MPP7: variants seen among roughly 807,000 people sequenced by gnomAD.
The protein encoded by MPP7 is MAGUK p55 subfamily member 7.
In MPP7, 60 loss-of-function variants were observed where a neutral mutation model predicts 76.5. The ratio of observed to expected loss-of-function variants is 0.78; its 90% CI spans 0.64 to 0.97. The LOEUF is 0.97. Ranked by LOEUF, MPP7 falls within the 50% of genes least tolerant of loss-of-function variation. The probability of loss-of-function intolerance (pLI) is 0.00; values close to 1 mark genes in which losing one functional copy is unlikely to be tolerated. For missense variants in MPP7, 641 were observed against 694.0 expected (o/e 0.92, Z 0.86); for synonymous variants, 237 against 244.5 (o/e 0.97, Z 0.29).
chr10:28,111,632 AT>A (rs1265166672), intron 11 of MPP7, among the ~76,000 whole-genome samples: 1 of 152,230 alleles, frequency 6.6e-6, no homozygotes, highest in Non-Finnish European at 1.5e-5. Context: ...TATCCTGTAA[AT>A]TTAACAATAA....
chr10:28,084,046 T>C (rs118098527), intron 12 of MPP7, among the ~76,000 whole-genome samples: 1,889 of 152,266 alleles, frequency 0.012, 25 homozygotes, highest in Non-Finnish European at 0.016. Context: ...GAGTTTCACA[T>C]AAAGTTAATT....
At chr10:28,115,077 T>G (rs570519523) in intron 11 of MPP7, among the ~76,000 whole-genome samples, 10 of 147,908 alleles carry the variant, frequency 6.8e-5, no homozygotes, top group African/African-American at 2.6e-4. Flanking sequence ...AGGTTTTTTG[T>G]TTGTTTGTTT....
At chr10:28,277,658 CAG>C (rs1274961144) in intron 1 of MPP7, among the ~76,000 whole-genome samples, 1 of 152,058 alleles carries the variant, frequency 6.6e-6, no homozygotes, top group Non-Finnish European at 1.5e-5. Flanking sequence ...AACCTAATAA[CAG>C]GGTACGGGGT....
intron 1 of MPP7, among the ~76,000 whole-genome samples, chr10:28,286,308 T>C (rs1840789397): frequency 6.6e-6 from 1 of 151,862 alleles, no homozygotes; most frequent in Non-Finnish European, 1.5e-5. Context: ...ATCACGCCAC[T>C]GTACTCCAGC....
intron 6 of MPP7, among the ~76,000 whole-genome samples, 199 bp from the exon 7 acceptor site, chr10:28,125,290 T>C (rs1834983154): frequency 6.6e-6 from 1 of 152,240 alleles, no homozygotes; most frequent in Non-Finnish European, 1.5e-5. Context: ...AAATTCTATC[T>C]ACATAGCATC....
intron 13 of MPP7, among the ~76,000 whole-genome samples, chr10:28,067,618 T>G (rs1054000357): frequency 6.6e-6 from 1 of 152,182 alleles, no homozygotes; most frequent in Non-Finnish European, 1.5e-5. Flanking sequence ...TATTGTCAAC[T>G]TCTATAACAA....
At chr10:28,330,705 A>G (rs1271330561) in intron 1 of MPP7, among the ~76,000 whole-genome samples, 3 of 152,086 alleles carry the variant, frequency 2.0e-5, no homozygotes, top group Non-Finnish European at 4.4e-5. Context: ...CCCAGGCTGG[A>G]GTGCTGTGGT....
At chr10:28,291,926 T>G (rs1182699522) in intron 1 of MPP7, among the ~76,000 whole-genome samples, 3 of 152,116 alleles carry the variant, frequency 2.0e-5, no homozygotes, top group African/African-American at 4.8e-5. Flanking sequence ...CAGTAGTGAG[T>G]GTACAGTCAT....
At chr10:28,179,008 G>T (rs1836968912) in intron 3 of MPP7, among the ~76,000 whole-genome samples, 1 of 152,178 alleles carries the variant, frequency 6.6e-6, no homozygotes, top group Non-Finnish European at 1.5e-5. Flanking sequence ...AAAGATGGAA[G>T]AGGAGAAGAG....
chr10:28,104,071 G>A (rs942486098), intron 11 of MPP7, among the ~76,000 whole-genome samples: 5 of 151,998 alleles, frequency 3.3e-5, no homozygotes, highest in Non-Finnish European at 5.9e-5. Context: ...AGTAATTTTG[G>A]TATGAGGAAT....
intron 3 of MPP7, among the ~76,000 whole-genome samples, chr10:28,170,342 T>C (rs185363733): frequency 2.0e-5 from 3 of 151,798 alleles, no homozygotes; most frequent in African/African-American, 7.3e-5. Flanking sequence ...TTTTTTTTAA[T>C]TTTTTTATAT....
upstream of MPP7, among the ~76,000 whole-genome samples, chr10:28,303,087 C>T (rs1208346481): frequency 6.6e-6 from 1 of 152,106 alleles, no homozygotes; most frequent in African/African-American, 2.4e-5. Flanking sequence ...CTCGGAGGGG[C>T]GGGACCGCGG....
intron 1 of MPP7, among the ~76,000 whole-genome samples, chr10:28,287,180 A>G (rs560880566): frequency 1.3e-5 from 2 of 152,372 alleles, no homozygotes; most frequent in Non-Finnish European, 1.5e-5. Flanking sequence ...TTTGTTGCCA[A>G]TGATAAAAGT....
rs200341659 is a variant in MPP7 at position 28,063,250 on chromosome 10, A to G, written c.1205-3507T>C. ...TGAGGCAGGTGGATCACTTGAGGCC[A>G]GGAGCTCGAAACCATCCTGGCCAAT... On this transcript the variant is annotated intron_variant, in intron 13 of 16. Coordinates refer to ENST00000683449, the MANE Select transcript of MPP7 (RefSeq NM_001318170.2). 1.5e-4 allele frequency among the ~76,000 whole-genome samples: 23 copies of G among 152,222 alleles called. No individual in the cohort carries two copies. The East Asian group carries it at 3.3e-3, about 22-fold the overall frequency.
chr10:28,237,240 C>T (rs1486350102), intron 2 of MPP7, among the ~76,000 whole-genome samples: 2 of 152,130 alleles, frequency 1.3e-5, no homozygotes, highest in African/African-American at 4.8e-5. Context: ...ATTTATGGTT[C>T]ACATAAATTT....
intron 2 of MPP7, among the ~76,000 whole-genome samples, chr10:28,237,622 G>A (rs1269681029): frequency 1.3e-5 from 2 of 152,176 alleles, no homozygotes; most frequent in Non-Finnish European, 2.9e-5. Context: ...CTGTTTCGGT[G>A]TTTTTGAGAT....
intron 1 of MPP7, among the ~76,000 whole-genome samples, chr10:28,249,524 G>A (rs923658659): frequency 6.6e-6 from 1 of 152,208 alleles, no homozygotes; most frequent in Non-Finnish European, 1.5e-5. Flanking sequence ...GGGAGGCAGA[G>A]GGTGTAGTGA....
Position 28,068,139 on chromosome 10 carries a change from TA to T in MPP7, c.1204+1632del, listed in dbSNP as rs1852067595. ...ACCTGTAAGCTTAAAAATTATTTTG[TA>T]AAATTTTCTAATAACTTATATATTG... is the stretch of plus-strand genomic sequence containing the variant. On this transcript the variant is annotated intron_variant, in intron 13 of 16. Transcript: ENST00000683449. 2.0e-5 allele frequency among the ~76,000 whole-genome samples: 3 copies of T among 152,246 alleles called. No homozygotes were observed. The South Asian group carries it at 6.2e-4, about 32-fold the overall frequency.
At position 28,133,619 on chromosome 10, in the gene MPP7, T is replaced by C. The variant is rs529653815; in HGVS notation, c.316-1928A>G. ...AAACTTTTGAATTGACTATAACATA[T>C]ATACAAAAAGTACAAATCATAAGTG... On this transcript the variant is annotated intron_variant, in intron 5 of 16. Transcript: ENST00000683449. Among the ~76,000 whole-genome samples the C allele has an allele frequency of 1.2e-3, 178 of 152,272 alleles. 3 individuals are homozygous for C. In the South Asian group the frequency reaches 0.035, roughly 30 times the overall value.
Sources: allele counts gnomAD v4.1 joint callset (sites outside exome capture counted in the v4.1 genomes callset), GRCh38; gene constraint gnomAD v4.1.1; transcripts MANE v1.5; gene names NCBI Gene and HGNC (gene_info 2026-07-23, HGNC 2026-07-21).